The following PPP1R1C variants were observed in gnomAD, a reference collection of about 807,000 sequenced individuals.
The protein encoded by PPP1R1C is protein phosphatase 1 regulatory inhibitor subunit 1C.
PPP1R1C carries 15 observed loss-of-function variants against 17.4 expected under a neutral mutation model. The ratio of observed to expected loss-of-function variants is 0.86; its 90% CI spans 0.58 to 1.33. The LOEUF is 1.33. Among genes scored for constraint, PPP1R1C ranks in the 40% most tolerant of loss-of-function variants. The pLI, the probability that PPP1R1C is intolerant of heterozygous loss-of-function variation, is 0.00. For synonymous variants in PPP1R1C, 35 were observed against 43.1 expected, an observed-to-expected ratio of 0.81 and a Z score of 0.73; for missense variants, 143 against 130.0, an observed-to-expected ratio of 1.10 and a Z score of -0.48.
intron 4 of PPP1R1C, among the ~76,000 whole-genome samples, chr2:182,110,859 G>A (rs1281576567): frequency 1.3e-5 from 2 of 151,964 alleles, no homozygotes; most frequent in Non-Finnish European, 2.9e-5. Context: ...TCCATTATGT[G>A]TAGGCTTAAA....
chr2:182,017,463 A>G (rs1282941148), intron 2 of PPP1R1C, among the ~76,000 whole-genome samples: 9 of 152,028 alleles, frequency 5.9e-5, no homozygotes, highest in African/African-American at 2.2e-4. Context: ...TTTTGCTTAT[A>G]TGGCTTAAAG....
chr2:182,026,890 C>T (rs1314848190), intron 2 of PPP1R1C, among the ~76,000 whole-genome samples: 1 of 146,322 alleles, frequency 6.8e-6, no homozygotes, highest in African/African-American at 2.6e-5. Context: ...TTTCCTTGAG[C>T]AGTGGTTTGT....
At chr2:182,113,801 A>C (rs1290832156) in intron 4 of PPP1R1C, among the ~76,000 whole-genome samples, 1 of 152,064 alleles carries the variant, frequency 6.6e-6, no homozygotes, top group African/African-American at 2.4e-5. Flanking sequence ...TTTTCTTACA[A>C]ATTTTGTGTT....
At chr2:182,058,597 T>C (rs1687756752) in intron 2 of PPP1R1C, among the ~76,000 whole-genome samples, 1 of 152,140 alleles carries the variant, frequency 6.6e-6, no homozygotes, top group Non-Finnish European at 1.5e-5. Flanking sequence ...TATGAGAAAA[T>C]GAGGAAGGCA....
intron 2 of PPP1R1C, among the ~76,000 whole-genome samples, chr2:182,038,003 A>T (rs1233163810): frequency 1.3e-5 from 2 of 151,992 alleles, no homozygotes; most frequent in African/African-American, 4.8e-5. Flanking sequence ...ATATTAATAT[A>T]TTCAGGCAAT....
chr2:182,034,043 T>G (rs1686926671), intron 2 of PPP1R1C, among the ~76,000 whole-genome samples: 1 of 152,198 alleles, frequency 6.6e-6, no homozygotes, highest in Non-Finnish European at 1.5e-5. Context: ...TCTTCTAGAA[T>G]TTTCTAGAAT....
At chr2:182,059,613 GTTAT>G (rs1687790864) in intron 2 of PPP1R1C, among the ~76,000 whole-genome samples, 1 of 152,050 alleles carries the variant, frequency 6.6e-6, no homozygotes, top group Non-Finnish European at 1.5e-5. Context: ...TGAAAAGTTA[GTTAT>G]TTAATTTTCA....
At chr2:182,048,212 T>C (rs532975623) in intron 2 of PPP1R1C, among the ~76,000 whole-genome samples, 21 of 152,306 alleles carry the variant, frequency 1.4e-4, no homozygotes, top group Admixed American at 1.2e-3. Flanking sequence ...ATAACTTTAT[T>C]ATTCTGGTGG....
intron 4 of PPP1R1C, among the ~76,000 whole-genome samples, chr2:182,090,750 A>T (rs1428675688): frequency 6.6e-6 from 1 of 152,222 alleles, no homozygotes; most frequent in Non-Finnish European, 1.5e-5. Flanking sequence ...GATAACTAGT[A>T]AGTTTTCCAA....
In PPP1R1C at chr2:181,962,803, G is replaced by A. The variant is rs755767031; in HGVS notation, n.111+8169G>A. On this transcript the variant is annotated intron_variant and non_coding_transcript_variant, in intron 1 of 5. Transcript: ENST00000464264. This position sits in a 1 kb window ranked among gnomAD's most constrained non-coding sequence, Gnocchi z 6.0. ...ACTGTGGCTGGAGATAAAGGAAAGC[G>A]GAGCCTGAGCTAACCAGGGACCTTC... Among the ~76,000 whole-genome samples, 19 of 152,090 alleles carry A rather than the reference G, an allele frequency of 1.2e-4. No homozygotes were observed. Among genetic ancestry groups the A allele is most frequent in the Non-Finnish European group, 2.1e-4 (14 of 68,008 alleles).
chr2:182,021,424 T>C (rs1342764016), intron 2 of PPP1R1C, among the ~76,000 whole-genome samples: 3 of 150,068 alleles, frequency 2.0e-5, no homozygotes, highest in Admixed American at 6.7e-5. Flanking sequence ...GCCCCTTGGG[T>C]TCATGCAACT....
At chr2:181,991,001 A>G (rs1559047932) in intron 2 of PPP1R1C, among the ~76,000 whole-genome samples, 1 of 152,252 alleles carries the variant, frequency 6.6e-6, no homozygotes, top group South Asian at 2.1e-4. Flanking sequence ...GTCAATTAAT[A>G]AAGCAAAGAA....
intron 4 of PPP1R1C, among the ~76,000 whole-genome samples, chr2:182,073,749 G>A (rs1428209991): frequency 6.6e-6 from 1 of 152,150 alleles, no homozygotes; most frequent in Non-Finnish European, 1.5e-5. Context: ...ATCAGGGGTA[G>A]ATTCCAGAAA....
rs574353477 is a variant in PPP1R1C at position 182,077,503 on chromosome 2, A to G, written c.241+13712A>G. Among the ~76,000 whole-genome samples, 4 of 152,320 alleles carry G rather than the reference A, an allele frequency of 2.6e-5. No homozygotes were observed. In the South Asian group the frequency reaches 6.2e-4, roughly 24 times the overall value. Reference sequence around the variant, plus strand: ...AAACCAAAGAATTCTTTGCATCTATATCAGCATCCTTAGCTTTTCAGACAG... The same window carrying G: ...AAACCAAAGAATTCTTTGCATCTATGTCAGCATCCTTAGCTTTTCAGACAG... On this transcript the variant is annotated intron_variant, in intron 4 of 4. Coordinates refer to ENST00000682840, the MANE Select transcript of PPP1R1C (RefSeq NM_001080545.3).
intron 4 of PPP1R1C, among the ~76,000 whole-genome samples, chr2:182,089,899 C>G (rs1243003223): frequency 6.6e-6 from 1 of 151,940 alleles, no homozygotes; most frequent in Non-Finnish European, 1.5e-5. Flanking sequence ...TCATTATCTT[C>G]TAATGGCATA....
chr2:181,959,041 A>C (rs1425523192), intron 1 of PPP1R1C, among the ~76,000 whole-genome samples: 1 of 152,236 alleles, frequency 6.6e-6, no homozygotes, highest in Non-Finnish European at 1.5e-5. Flanking sequence ...CGTTAGTATA[A>C]TAGATATTAC....
intron 2 of PPP1R1C, among the ~76,000 whole-genome samples, chr2:182,033,135 G>A (rs1034895725): frequency 6.6e-6 from 1 of 152,086 alleles, no homozygotes; most frequent in Admixed American, 6.6e-5. Context: ...TGTTAGCTAT[G>A]TTAACTTTCT....
chr2:182,105,188 T>C lies in PPP1R1C; in HGVS notation c.242-12019T>C, dbSNP rs567075920. On this transcript the variant is annotated intron_variant, in intron 4 of 4. Coordinates refer to ENST00000682840, the MANE Select transcript of PPP1R1C (RefSeq NM_001080545.3). Reference sequence around the variant, plus strand: ...GATGTCATTTCTTTAATGATTGCTTTGCTTTACTATGTAAAATCAGCTGAG... The same window carrying C: ...GATGTCATTTCTTTAATGATTGCTTCGCTTTACTATGTAAAATCAGCTGAG... Among the ~76,000 whole-genome samples, 13 of 152,336 alleles carry C rather than the reference T, an allele frequency of 8.5e-5. No homozygotes were observed. In the East Asian group the frequency reaches 1.9e-3, roughly 23 times the overall value.
At chr2:182,043,179 C>T (rs2125181098) in intron 2 of PPP1R1C, among the ~76,000 whole-genome samples, 1 of 152,258 alleles carries the variant, frequency 6.6e-6, no homozygotes, top group East Asian at 1.9e-4. Context: ...TGCATTTGGT[C>T]AACCACTTCG....
Sources: allele counts gnomAD v4.1 joint callset (sites outside exome capture counted in the v4.1 genomes callset), GRCh38; gene constraint gnomAD v4.1.1; non-coding constraint Gnocchi (gnomAD v3.1); transcripts MANE v1.5; gene names NCBI Gene and HGNC (gene_info 2026-07-23, HGNC 2026-07-21).